The following RBM3 variants were observed in gnomAD, a reference collection of about 807,000 sequenced individuals.
RBM3 encodes RNA-binding protein 3.
In RBM3, 3 loss-of-function variants were observed where a neutral mutation model predicts 12.0. That is an observed-to-expected ratio of 0.25 (90% CI 0.11 to 0.65). The LOEUF (loss-of-function observed/expected upper bound fraction) is 0.65. RBM3 is among the 30% of genes least tolerant of loss of function. RBM3 has a pLI of 0.84. For missense variants in RBM3, 108 were observed against 134.5 expected (o/e 0.80, Z 0.97); for synonymous variants, 58 against 45.7 (o/e 1.27, Z -1.08).
At position 48,576,571 on chromosome X, in the gene RBM3, A is replaced by G. The variant is rs1556989311; in HGVS notation, c.380A>G (p.Tyr127Cys). The G allele has an allele frequency of 8.5e-7, 1 of 1,178,130 alleles. No homozygotes were observed. The highest frequency in any genetic ancestry group is 1.1e-6 in the Non-Finnish European group (1 of 878,892). ...GACAGTCGACCTGGAGGGTATGGAT[A>G]TGGATATGGACGTTCCAGAGACTAT... ...YYDSRPGGYG[Y>C]GYGRSRDYNG... The change falls in exon 5 of 7, where the codon TAT becomes TGT. Residue 127 changes from tyrosine to cysteine, a missense_variant. By Grantham distance (194) the Tyr-to-Cys change is radical. Coordinates refer to ENST00000376759, the MANE Select transcript of RBM3 (RefSeq NM_006743.5).
chrX:48,574,735 T>C (rs1326326200), intron 1 of RBM3, 162 bp downstream of exon 1: 1 of 329,848 alleles, frequency 3.0e-6, no homozygotes, highest in Non-Finnish European at 5.9e-6. Flanking sequence ...AACATTTCGG[T>C]TGGTGGGAGG....
At chrX:48,575,509 C>T in intron 2 of RBM3, 52 bp from the exon 3 acceptor site, 3 of 1,090,047 alleles carry the variant, frequency 2.8e-6, no homozygotes, top group South Asian at 2.0e-5. Flanking sequence ...TGCTACTTAA[C>T]CTTTGGGGTA....
rs901736693 is a variant in RBM3 at position 48,575,044 on chromosome X, C to T, written c.-13-124C>T. The T allele has an allele frequency of 5.6e-5, 29 of 518,078 alleles. No homozygotes were observed. The African/African-American group carries it at 5.8e-4, about 10-fold the overall frequency. 42.7% of individuals were successfully genotyped at this position (518,078 alleles called of 1,213,427 possible). On this transcript the variant is annotated intron_variant, in intron 1 of 6. Coordinates refer to ENST00000376759, the MANE Select transcript of RBM3 (RefSeq NM_006743.5). Reference sequence around the variant, plus strand: ...GCCTTTCTCAGCTTTTCTGTAGTTACCCATATTTTGTTCCTCTTTCTTGTC... The same window carrying T: ...GCCTTTCTCAGCTTTTCTGTAGTTATCCATATTTTGTTCCTCTTTCTTGTC...
chrX:48,574,528 C>T lies in RBM3; in HGVS notation c.-59C>T, dbSNP rs1381377611. ...AGCCCCGTCCCTGTTTTTTGTGCTC[C>T]TCCGAGCTCGCTGTTCGTCCGGGTT... On this transcript the variant is annotated 5_prime_UTR_variant, in exon 1 of 7. Transcript: ENST00000376759. The T allele has an allele frequency of 6.0e-6, 2 of 331,099 alleles. No individual in the cohort carries two copies. The highest frequency in any genetic ancestry group is 2.6e-5 in the South Asian group (1 of 38,471). The allele number at this position is 331,099 out of a possible 1,213,427, so 27.3% of individuals were successfully genotyped here.
chrX:48,576,023 C>T, intron 3 of RBM3: 1 of 975,369 alleles, frequency 1.0e-6, no homozygotes, highest in Non-Finnish European at 1.4e-6. Context: ...TCTGTCTAGC[C>T]CTGATAGTCG....
Position 48,576,521 on chromosome X carries a change from G to A in RBM3, c.330G>A (p.Gln110=), listed in dbSNP as rs147523049. The change falls in exon 5 of 7, where the codon CAG becomes CAA. Residue 110 remains glutamine, a synonymous_variant. Coordinates refer to ENST00000376759, the MANE Select transcript of RBM3 (RefSeq NM_006743.5). ...TTTCTGCTCTAGGTGGTGGGGACCA[G>A]GGCTATGGGAGTGGCAGGTATTATG... ...GRSYSRGGGD[Q]GYGSGRYYDS... The A allele has an allele frequency of 4.2e-6, 5 of 1,195,980 alleles. No individual in the cohort carries two copies. Among genetic ancestry groups the A allele is most frequent in the Non-Finnish European group, 4.5e-6 (4 of 887,175 alleles).
intron 3 of RBM3, 58 bp downstream of exon 3, chrX:48,575,725 TTTG>T (rs1347584502): frequency 9.2e-7 from 1 of 1,087,875 alleles, no homozygotes; most frequent in Non-Finnish European, 1.3e-6. Flanking sequence ...CTTCATTCTT[TTTG>T]TTTTTCCCTC....
At chrX:48,576,033 G>A (rs781979529) in intron 3 of RBM3, 3 of 1,008,578 alleles carry the variant, frequency 3.0e-6, no homozygotes, top group Non-Finnish European at 4.0e-6. Context: ...CCTGATAGTC[G>A]GGCAGCTTAG....
Position 48,577,071 on chromosome X carries a change from CAAT to C in RBM3, c.460_462del (p.Asn154del), listed in dbSNP as rs782302530. On this transcript the variant is annotated inframe_deletion, in exon 6 of 7. Transcript: ENST00000376759. Reference sequence around the variant, plus strand: ...GCTACTCAGGAGGAAATTACAGAGACAATTATGACAACTGAAATGAGACATGCA... The same window carrying C: ...GCTACTCAGGAGGAAATTACAGAGACTATGACAACTGAAATGAGACATGCA... The C allele has an allele frequency of 1.8e-5, 22 of 1,209,789 alleles. No individual in the cohort carries two copies. Among genetic ancestry groups the C allele is most frequent in the Non-Finnish European group, 2.5e-5 (22 of 895,228 alleles).
rs782323101 is a variant in RBM3, at chrX:48,574,562, T to C, written c.-25T>C. On this transcript the variant is annotated 5_prime_UTR_variant, in exon 1 of 7. Transcript: ENST00000376759. ...CGCTGTTCGTCCGGGTTTTTTACGT[T>C]TTAATTTCCAGGTAAGTTGCATATG... The C allele has an allele frequency of 3.0e-6, 1 of 330,974 alleles. No individual in the cohort carries two copies. The highest frequency in any genetic ancestry group is 2.6e-5 in the African/African-American group (1 of 38,043). The allele number at this position is 330,974 out of a possible 1,213,427, so 27.3% of individuals were successfully genotyped here.
At chrX:48,575,774 G>A (rs782344855) in intron 3 of RBM3, 107 bp downstream of exon 3, 3 of 759,393 alleles carry the variant, frequency 4.0e-6, no homozygotes, top group South Asian at 2.6e-5. Flanking sequence ...ACCAAGCCCC[G>A]CAGTGCCCAC....
At chrX:48,575,059 T>C (rs111622694) in intron 1 of RBM3, 109 bp from the exon 2 acceptor site, 16,727 of 576,441 alleles carry the variant, frequency 0.029, 219 homozygotes, top group Non-Finnish European at 0.036. Context: ...ATTTTGTTCC[T>C]CTTTCTTGTC....
rs1208263288 is a variant in RBM3 at position 48,580,274 on chromosome X, A to G, written c.*2833A>G. ...TCAAGTCCTAAGCCCAACCCCTCCT[A>G]TCCCACCTAGGCAGAAATCACTTCA... On this transcript the variant is annotated 3_prime_UTR_variant, in exon 7 of 7. Coordinates refer to ENST00000376759, the MANE Select transcript of RBM3 (RefSeq NM_006743.5). 9.0e-6 allele frequency among the ~76,000 whole-genome samples: 1 copy of G among 111,647 alleles called. No individual in the cohort carries two copies. Among genetic ancestry groups the G allele is most frequent in the Admixed American group, 9.6e-5 (1 of 10,411 alleles).
At position 48,576,499 on chromosome X, in the gene RBM3, C is replaced by T. The variant is rs897761403; in HGVS notation, c.317-9C>T. The T allele has an allele frequency of 1.7e-6, 2 of 1,190,904 alleles. No homozygotes were observed. Among genetic ancestry groups the T allele is most frequent in the African/African-American group, 1.8e-5 (1 of 56,665 alleles). ...GGACAACTGCCATTTAAATATTTTTCTGCTCTAGGTGGTGGGGACCAGGGC... is the reference window on the plus strand; with the variant it reads ...GGACAACTGCCATTTAAATATTTTTTTGCTCTAGGTGGTGGGGACCAGGGC... On this transcript the variant is annotated splice_polypyrimidine_tract_variant and intron_variant, in intron 4 of 6. Transcript: ENST00000376759.
chrX:48,576,601 G>A lies in RBM3; in HGVS notation c.410G>A (p.Gly137Asp). The A allele has an allele frequency of 8.5e-7, 1 of 1,172,895 alleles. No homozygotes were observed. Among genetic ancestry groups the A allele is most frequent in the South Asian group, 1.9e-5 (1 of 52,899 alleles). Residue 137 changes from glycine to aspartate, a missense_variant, in exon 5 of 7, where the codon GGC becomes GAC. Around this residue, in one of 2 missense-constraint regions of RBM3, gnomAD observed 65 missense variants for 54.9 expected, o/e 1.18. Transcript: ENST00000376759. Reference sequence around the variant, plus strand: ...TATGGACGTTCCAGAGACTATAATGGCAGGTGGGTAGCCAAAGGGCTGGGA... The same window carrying A: ...TATGGACGTTCCAGAGACTATAATGACAGGTGGGTAGCCAAAGGGCTGGGA... ...YGYGRSRDYN[G>D]RNQGGYDRYS...
chrX:48,574,579 T>C lies in RBM3; in HGVS notation c.-14+6T>C, dbSNP rs1234381917. The C allele has an allele frequency of 1.8e-5, 6 of 330,839 alleles. No homozygotes were observed. The East Asian group carries it at 5.9e-4, about 33-fold the overall frequency. The allele number at this position is 330,839 out of a possible 1,213,427, so 27.3% of individuals were successfully genotyped here. A position where few individuals can be genotyped will look rare whatever the true frequency, so the allele number is the denominator to read the frequency against. On this transcript the variant is annotated splice_donor_region_variant and intron_variant, in intron 1 of 6. Coordinates refer to ENST00000376759, the MANE Select transcript of RBM3 (RefSeq NM_006743.5). ...TTTTACGTTTTAATTTCCAGGTAAG[T>C]TGCATATGTCCTGCGAAACGGCGGC...
In RBM3 at chrX:48,578,985, A is replaced by G. The variant is rs1299621961; in HGVS notation, c.*1544A>G. ...TAATTTCAGCCTTATGCCATTTTAC[A>G]TTTTCTGTGGAGGGTTAGGTTAATT... On this transcript the variant is annotated 3_prime_UTR_variant, in exon 7 of 7. Transcript: ENST00000376759. 9.0e-6 allele frequency: 1 copy of G among 111,380 alleles called. No individual in the cohort carries two copies. Among genetic ancestry groups the G allele is most frequent in the Admixed American group, 9.6e-5 (1 of 10,410 alleles). 9.2% of individuals were successfully genotyped at this position (111,380 alleles called of 1,213,427 possible).
chrX:48,577,967 G>C lies in RBM3; in HGVS notation c.*526G>C, dbSNP rs1022207784. ...ATGGTGGTGTACGCCTGTAATCCCA[G>C]TGACTTGGGAGGCTGAGGCAGGAGA... On this transcript the variant is annotated 3_prime_UTR_variant, in exon 7 of 7. Coordinates refer to ENST00000376759, the MANE Select transcript of RBM3 (RefSeq NM_006743.5). The C allele has an allele frequency of 8.9e-6, 1 of 112,097 alleles. No homozygotes were observed. Among genetic ancestry groups the C allele is most frequent in the Admixed American group, 9.6e-5 (1 of 10,373 alleles). 9.2% of individuals were successfully genotyped at this position (112,097 alleles called of 1,213,427 possible). A position where few individuals can be genotyped will look rare whatever the true frequency, so the allele number is the denominator to read the frequency against.
At position 48,576,803 on chromosome X, in the gene RBM3, G is replaced by A. The variant is rs182987556; in HGVS notation, c.413+199G>A. ...ATACTATATATGTTGTGCTGTGTGGGTTATATAACTATATTGCTTTAACAT... is the reference window on the plus strand; with the variant it reads ...ATACTATATATGTTGTGCTGTGTGGATTATATAACTATATTGCTTTAACAT... On this transcript the variant is annotated intron_variant, in intron 5 of 6. Coordinates refer to ENST00000376759, the MANE Select transcript of RBM3 (RefSeq NM_006743.5). 2.9e-3 allele frequency among the ~76,000 whole-genome samples: 320 copies of A among 112,028 alleles called. 4 individuals are homozygous for A. Among genetic ancestry groups the A allele is most frequent in the African/African-American group, 8.8e-3 (273 of 30,897 alleles).
Sources: allele counts gnomAD v4.1 joint callset (sites outside exome capture counted in the v4.1 genomes callset), GRCh38; gene constraint gnomAD v4.1.1; regional missense constraint gnomAD v4.1.1; transcripts MANE v1.5; gene names NCBI Gene and HGNC (gene_info 2026-07-23, HGNC 2026-07-21).